The following TIAM1 variants were observed in gnomAD, a reference collection of about 807,000 sequenced individuals.
TIAM1 encodes TIAM Rac1 associated GEF 1.
Under a neutral mutation model 163.5 loss-of-function variants are expected in TIAM1, and 65 were observed. The observed-to-expected ratio is 0.40, with a 90% CI of 0.33 to 0.49. The LOEUF (loss-of-function observed/expected upper bound fraction) is 0.49. Ranked by LOEUF, TIAM1 falls within the 20% of genes least tolerant of loss-of-function variation. TIAM1 has a pLI of 0.77. For missense variants in TIAM1, 1,789 were observed against 2,044.7 expected, an observed-to-expected ratio of 0.87 and a Z score of 2.41; for synonymous variants, 833 against 810.1, an observed-to-expected ratio of 1.03 and a Z score of -0.48.
intron 2 of TIAM1, among the ~76,000 whole-genome samples, chr21:31,364,670 CGGAT>C (rs892291074): frequency 2.0e-5 from 3 of 151,408 alleles, no homozygotes; most frequent in Non-Finnish European, 4.4e-5. Flanking sequence ...CATGGATGGA[CGGAT>C]GGATGGATGG....
chr21:31,511,324 A>C (rs961288063), intron 1 of TIAM1, among the ~76,000 whole-genome samples: 4 of 152,192 alleles, frequency 2.6e-5, no homozygotes, highest in Admixed American at 6.5e-5. Flanking sequence ...AGCCTCCGTC[A>C]ACACTATTTC....
chr21:31,521,964 C>T (rs962929536), intron 1 of TIAM1, among the ~76,000 whole-genome samples: 2 of 152,104 alleles, frequency 1.3e-5, no homozygotes, highest in African/African-American at 4.8e-5. Context: ...CTCCGCCTCC[C>T]GGGTTCAGGC....
At chr21:31,488,852 A>T (rs566801227) in intron 1 of TIAM1, among the ~76,000 whole-genome samples, 3 of 152,234 alleles carry the variant, frequency 2.0e-5, no homozygotes, top group African/African-American at 7.2e-5. Flanking sequence ...CAAGGGAAAA[A>T]CATAGATATA....
intron 13 of TIAM1, among the ~76,000 whole-genome samples, chr21:31,194,391 T>A (rs2085744440): frequency 1.3e-5 from 2 of 152,180 alleles, no homozygotes; most frequent in Admixed American, 1.3e-4. Context: ...TCCTTTAACA[T>A]TATTTGTATG....
At chr21:31,449,456 G>A (rs1602305802) in intron 2 of TIAM1, among the ~76,000 whole-genome samples, 1 of 152,204 alleles carries the variant, frequency 6.6e-6, no homozygotes, top group Non-Finnish European at 1.5e-5. Context: ...TCACTGCACT[G>A]CAACCTCCAA....
rs950418428 is a variant in TIAM1, at chr21:31,252,098, G to C, written c.1055C>G (p.Ala352Gly). The C allele has an allele frequency of 6.2e-7, 1 of 1,613,646 alleles. No individual in the cohort carries two copies. The highest frequency in any genetic ancestry group is 8.5e-7 in the Non-Finnish European group (1 of 1,180,038). Residue 352 changes from alanine (A) to glycine (G), a missense_variant, in exon 5 of 28, where the codon GCC becomes GGC. By Grantham distance (60) the Ala-to-Gly change is moderately conservative. Around this residue, in one of 5 missense-constraint regions of TIAM1, gnomAD observed 555 missense variants for 564.9 expected, o/e 0.98. Transcript: ENST00000541036. ...GGTGGGTGAGTAGCTGGAGTTGGTG[G>C]CATTAGATCGCCTGGACAGGAGGTC... ...DTDLLSRRSN[A>G]TNSSYSPTTG...
At chr21:31,296,991 A>G (rs1205897621) in intron 2 of TIAM1, among the ~76,000 whole-genome samples, 1 of 152,098 alleles carries the variant, frequency 6.6e-6, no homozygotes, top group East Asian at 1.9e-4. Context: ...TGCATTTCTC[A>G]AAGGCATATC....
intron 4 of TIAM1, among the ~76,000 whole-genome samples, chr21:31,253,391 C>T (rs1469785932): frequency 6.6e-6 from 1 of 152,186 alleles, no homozygotes; most frequent in Non-Finnish European, 1.5e-5. Context: ...AATGAATGCT[C>T]TGGGCTCCTA....
At position 31,146,807 on chromosome 21, in the gene TIAM1, T is replaced by C. The variant is rs553015145; in HGVS notation, c.3475+88A>G. The C allele has an allele frequency of 9.8e-6, 10 of 1,017,072 alleles. No homozygotes were observed. The African/African-American group carries it at 1.1e-4, about 11-fold the overall frequency. 63.0% of individuals were successfully genotyped at this position (1,017,072 alleles called of 1,614,324 possible). ...CATCTATCTGGCAACCAATGACTCT[T>C]AGATTTCTGCCCAAAAGCCCCCAAC... On this transcript the variant is annotated intron_variant, in intron 20 of 27. Coordinates refer to ENST00000541036, the MANE Select transcript of TIAM1 (RefSeq NM_001353694.2).
upstream of TIAM1, among the ~76,000 whole-genome samples, chr21:31,348,927 C>T (rs558332831): frequency 6.6e-6 from 1 of 152,230 alleles, no homozygotes; most frequent in African/African-American, 2.4e-5. Flanking sequence ...AAACAGAATA[C>T]CTAACAAATA....
intron 2 of TIAM1, among the ~76,000 whole-genome samples, chr21:31,410,952 A>G (rs2077347976): frequency 6.6e-6 from 1 of 152,178 alleles, no homozygotes; most frequent in African/African-American, 2.4e-5. Flanking sequence ...ACGATGTTAC[A>G]AAGAGCCCCT....
chr21:31,480,274 C>T lies in TIAM1; in HGVS notation c.-421-16239G>A, dbSNP rs530417016. ...GTGATTTACCATTAAATCAGTTAACCTACTCTTGTCACAAAGCAGTGTAGT... is the reference window on the plus strand; with the variant it reads ...GTGATTTACCATTAAATCAGTTAACTTACTCTTGTCACAAAGCAGTGTAGT... On this transcript the variant is annotated intron_variant, in intron 1 of 28. Transcript: ENST00000286827. Among the ~76,000 whole-genome samples, 11 of 152,306 alleles carry T rather than the reference C, an allele frequency of 7.2e-5. No homozygotes were observed. In the East Asian group the frequency reaches 2.1e-3, roughly 29 times the overall value.
intron 2 of TIAM1, among the ~76,000 whole-genome samples, chr21:31,324,736 T>A (rs139488712): frequency 1.2e-4 from 19 of 152,338 alleles, no homozygotes; most frequent in African/African-American, 4.3e-4. Flanking sequence ...AGAGATTAAC[T>A]GCCCAACTAG....
rs977016153 is a variant in TIAM1 at position 31,281,238 on chromosome 21, G to T, written c.-188-4330C>A. ...CTCAAAATACCCAGGTTCAATTCAG[G>T]TGCTATTACTTCATAAATAAAGTGA... is the stretch of plus-strand genomic sequence containing the variant. On this transcript the variant is annotated intron_variant, in intron 2 of 27. Coordinates refer to ENST00000541036, the MANE Select transcript of TIAM1 (RefSeq NM_001353694.2). 2.0e-5 allele frequency among the ~76,000 whole-genome samples: 3 copies of T among 151,986 alleles called. No homozygotes were observed. The East Asian group carries it at 5.8e-4, about 29-fold the overall frequency.
intron 27 of TIAM1, among the ~76,000 whole-genome samples, chr21:31,121,277 T>A (rs971796722): frequency 5.3e-5 from 8 of 152,120 alleles, no homozygotes; most frequent in African/African-American, 1.9e-4. Context: ...GCTATGAAGA[T>A]CCCCAGGGCT....
In TIAM1 at chr21:31,124,665, T is replaced by C; in HGVS notation, c.4163A>G (p.Lys1388Arg). Reference protein sequence around the residue: ...SSPESRKDFLKAVHSILRDKH... With the variant: ...SSPESRKDFLRAVHSILRDKH... ...ATCACGCAGGATTGAATGCACAGCC[T>C]TTAGGAAATCCTTTCGGCTCTCTGG... The change falls in exon 27 of 28, where the codon AAG (lysine) becomes AGG (arginine). Residue 1388 changes from lysine to arginine, a missense_variant. Physicochemically the swap from Lys to Arg is conservative, Grantham distance 26 (BLOSUM62 2). Coordinates refer to ENST00000541036, the MANE Select transcript of TIAM1 (RefSeq NM_001353694.2). The C allele has an allele frequency of 6.2e-7, 1 of 1,601,336 alleles. No individual in the cohort carries two copies. The highest frequency in any genetic ancestry group is 8.5e-7 in the Non-Finnish European group (1 of 1,173,498).
chr21:31,204,235 G>A (rs562559381), intron 11 of TIAM1, among the ~76,000 whole-genome samples: 133 of 152,136 alleles, frequency 8.7e-4, no homozygotes, highest in South Asian at 1.0e-3. Context: ...ATCCTAAAGC[G>A]CTAATAGATA....
At chr21:31,450,814 G>A (rs1194817138) in intron 2 of TIAM1, among the ~76,000 whole-genome samples, 1 of 152,140 alleles carries the variant, frequency 6.6e-6, no homozygotes, top group East Asian at 1.9e-4. Flanking sequence ...CAGATCTCAT[G>A]AGACTTATTC....
At chr21:31,122,183 A>G (rs575528913) in intron 27 of TIAM1, among the ~76,000 whole-genome samples, 164 of 152,290 alleles carry the variant, frequency 1.1e-3, no homozygotes, top group African/African-American at 3.7e-3. Flanking sequence ...CCGCCATCTA[A>G]AACTGTGGAA....
Sources: gnomAD v4.1 joint callset for allele counts (sites outside exome capture counted in the v4.1 genomes callset) on GRCh38, gnomAD v4.1.1 for gene constraint, gnomAD v4.1.1 regional missense constraint, MANE v1.5 for transcripts, NCBI Gene and HGNC (gene_info 2026-07-23, HGNC 2026-07-21) for gene names.